The following CACNA2D3 variants were observed in gnomAD, a reference collection of about 807,000 sequenced individuals.
The protein encoded by CACNA2D3 is calcium voltage-gated channel auxiliary subunit alpha2delta 3.
Under a neutral mutation model 160.6 loss-of-function variants are expected in CACNA2D3, and 60 were observed. That is an observed-to-expected ratio of 0.37 (90% confidence interval 0.30 to 0.46). The LOEUF (loss-of-function observed/expected upper bound fraction) is 0.46. Among genes scored for constraint, CACNA2D3 ranks in the 20% least tolerant of loss-of-function variants. The probability of loss-of-function intolerance (pLI) is 1.00; values close to 1 mark genes in which losing one functional copy is unlikely to be tolerated. For synonymous variants in CACNA2D3, 558 were observed against 492.9 expected, an observed-to-expected ratio of 1.13 and a Z score of -1.75; for missense variants, 1,205 against 1,365.0, an observed-to-expected ratio of 0.88 and a Z score of 1.85.
intron 2 of CACNA2D3, among the ~76,000 whole-genome samples, chr3:54,240,164 C>G (rs1177119073): frequency 6.6e-6 from 1 of 152,106 alleles, no homozygotes; most frequent in Non-Finnish European, 1.5e-5. Flanking sequence ...AATAGTCAAC[C>G]CATCAAGACA....
chr3:54,313,210 C>T (rs1049544557), intron 2 of CACNA2D3, among the ~76,000 whole-genome samples: 1 of 152,058 alleles, frequency 6.6e-6, no homozygotes, highest in African/African-American at 2.4e-5. Context: ...AGGTTAATGG[C>T]TTCCTTAAAG....
intron 29 of CACNA2D3, among the ~76,000 whole-genome samples, chr3:54,981,310 A>G (rs1702502237): frequency 6.6e-6 from 1 of 152,172 alleles, no homozygotes; most frequent in Non-Finnish European, 1.5e-5. Flanking sequence ...CTCTTTTATG[A>G]CAGAACAATA....
intron 2 of CACNA2D3, among the ~76,000 whole-genome samples, chr3:54,304,217 A>C (rs979527711): frequency 1.3e-5 from 2 of 152,192 alleles, no homozygotes; most frequent in African/African-American, 4.8e-5. Flanking sequence ...CCTGCAGGAC[A>C]GAATGGTCCC....
intron 34 of CACNA2D3, among the ~76,000 whole-genome samples, chr3:55,011,512 A>C (rs1703211371): frequency 6.6e-6 from 1 of 152,238 alleles, no homozygotes; most frequent in Non-Finnish European, 1.5e-5. Flanking sequence ...AATAAATTAC[A>C]ACCCATCCAC....
At chr3:54,254,061 G>T (rs867022765) in intron 2 of CACNA2D3, among the ~76,000 whole-genome samples, 2 of 152,138 alleles carry the variant, frequency 1.3e-5, no homozygotes, top group Non-Finnish European at 2.9e-5. Context: ...AACTGCGCCC[G>T]GCCGATTTCC....
intron 14 of CACNA2D3, among the ~76,000 whole-genome samples, chr3:54,832,391 G>A (rs1703900577): frequency 6.6e-6 from 1 of 152,138 alleles, no homozygotes. Context: ...TGGTTGGACG[G>A]GGTGAAGAGG....
At chr3:54,773,429 C>G (rs1421057124) in intron 13 of CACNA2D3, among the ~76,000 whole-genome samples, 1 of 152,200 alleles carries the variant, frequency 6.6e-6, no homozygotes, top group African/African-American at 2.4e-5. Context: ...CATAAACCAT[C>G]CTGCTGGGTT....
intron 2 of CACNA2D3, among the ~76,000 whole-genome samples, chr3:54,292,064 G>A (rs1245419588): frequency 6.6e-6 from 1 of 152,066 alleles, no homozygotes; most frequent in Non-Finnish European, 1.5e-5. Context: ...CCTTTCGGTG[G>A]TAGAAAGAAA....
intron 5 of CACNA2D3, among the ~76,000 whole-genome samples, chr3:54,553,776 A>G (rs1434607823): frequency 3.9e-5 from 6 of 152,212 alleles, no homozygotes; most frequent in Admixed American, 3.9e-4. Context: ...CAGATGACTG[A>G]GGTCTGGAGT....
At chr3:54,517,503 C>G (rs573931179) in intron 5 of CACNA2D3, among the ~76,000 whole-genome samples, 1 of 152,322 alleles carries the variant, frequency 6.6e-6, no homozygotes, top group South Asian at 2.1e-4. Flanking sequence ...AGCCCCTCCC[C>G]ACAACTGAGG....
intron 17 of CACNA2D3, among the ~76,000 whole-genome samples, chr3:54,862,687 G>A (rs1699318004): frequency 1.3e-5 from 2 of 152,160 alleles, no homozygotes; most frequent in South Asian, 4.1e-4. Flanking sequence ...TTAAGGAGAG[G>A]CATTGGAAAT....
At chr3:54,861,468 C>T (rs1478959519) in intron 17 of CACNA2D3, among the ~76,000 whole-genome samples, 4 of 152,014 alleles carry the variant, frequency 2.6e-5, no homozygotes, top group African/African-American at 9.7e-5. Flanking sequence ...GTCACAGGGA[C>T]TTGTGGAATT....
In CACNA2D3 at chr3:55,074,270, C is replaced by A; in HGVS notation, c.*64C>A. 7.5e-7 allele frequency: 1 copy of A among 1,336,406 alleles called. No individual in the cohort carries two copies. The highest frequency in any genetic ancestry group is 2.3e-5 in the East Asian group (1 of 43,520). The allele number at this position is 1,336,406 out of a possible 1,614,324, so 82.8% of individuals were successfully genotyped here. On this transcript the variant is annotated 3_prime_UTR_variant, in exon 38 of 38. Transcript: ENST00000474759. ...CTTGGCATGCTAAATCATGGATAAACTGTGAACCAAAATATGGTGCAACAT... is the reference window on the plus strand; with the variant it reads ...CTTGGCATGCTAAATCATGGATAAAATGTGAACCAAAATATGGTGCAACAT...
intron 27 of CACNA2D3, among the ~76,000 whole-genome samples, chr3:54,920,935 C>G (rs1300722944): frequency 1.3e-5 from 2 of 152,144 alleles, no homozygotes; most frequent in African/African-American, 4.8e-5. Flanking sequence ...AAGGAAATAC[C>G]CAGACTGGAG....
At chr3:54,955,928 T>A (rs971711543) in intron 27 of CACNA2D3, among the ~76,000 whole-genome samples, 1 of 152,124 alleles carries the variant, frequency 6.6e-6, no homozygotes, top group Non-Finnish European at 1.5e-5. Context: ...ATCTGCCTGA[T>A]GAAGAGAAAA....
intron 3 of CACNA2D3, among the ~76,000 whole-genome samples, chr3:54,378,074 A>G (rs1408596349): frequency 6.6e-6 from 1 of 152,218 alleles, no homozygotes; most frequent in Non-Finnish European, 1.5e-5. Flanking sequence ...AAGGGCTGGA[A>G]CAGAATTTTA....
At chr3:54,498,951 T>C (rs904067502) in intron 4 of CACNA2D3, among the ~76,000 whole-genome samples, 5 of 152,246 alleles carry the variant, frequency 3.3e-5, no homozygotes, top group African/African-American at 1.2e-4. Context: ...CATACATTGA[T>C]TTCTAAATTT....
intron 13 of CACNA2D3, among the ~76,000 whole-genome samples, chr3:54,783,605 C>CAAAT (rs1305507074): frequency 7.4e-4 from 112 of 151,634 alleles, no homozygotes; most frequent in African/African-American, 2.2e-3. Context: ...GACTCCATCT[C>CAAAT]AAATAAATAA....
intron 27 of CACNA2D3, among the ~76,000 whole-genome samples, chr3:54,945,218 A>G (rs1246820708): frequency 6.6e-6 from 1 of 152,134 alleles, no homozygotes; most frequent in Non-Finnish European, 1.5e-5. Context: ...TCAGGAATAT[A>G]TAAGTTGGTG....
Sources: allele counts gnomAD v4.1 joint callset (sites outside exome capture counted in the v4.1 genomes callset), GRCh38; gene constraint gnomAD v4.1.1; transcripts MANE v1.5; gene names NCBI Gene and HGNC (gene_info 2026-07-23, HGNC 2026-07-21).